The following AP2A2 variants were observed in gnomAD, a reference collection of about 807,000 sequenced individuals.
AP2A2 encodes the protein AP-2 complex subunit alpha-2.
A neutral mutation model predicts 104.2 loss-of-function variants in AP2A2; 32 were observed. The ratio of observed to expected loss-of-function variants is 0.31; its 90% confidence interval spans 0.23 to 0.41. The LOEUF (loss-of-function observed/expected upper bound fraction) is 0.41, where lower values mean the gene tolerates loss of function less well. Ranked by LOEUF, AP2A2 falls within the 10% of genes least tolerant of loss-of-function variation. AP2A2 has a pLI of 1.00. For missense variants in AP2A2, 912 were observed against 1,261.0 expected, an observed-to-expected ratio of 0.72 and a Z score of 4.19; for synonymous variants, 539 against 533.3, an observed-to-expected ratio of 1.01 and a Z score of -0.15.
intron 6 of AP2A2, among the ~76,000 whole-genome samples, chr11:983,576 G>A (rs974271596): frequency 4.0e-5 from 6 of 151,716 alleles, no homozygotes; most frequent in African/African-American, 9.7e-5. Flanking sequence ...GTAGAGATGG[G>A]GTTTCACTGT....
intron 1 of AP2A2, among the ~76,000 whole-genome samples, chr11:953,631 CCG>C (rs1854127766): frequency 6.7e-6 from 1 of 148,748 alleles, no homozygotes; most frequent in Non-Finnish European, 1.5e-5. Context: ...CCGTCTGCCT[CCG>C]TCTGCCTCCG....
intron 4 of AP2A2, among the ~76,000 whole-genome samples, chr11:975,674 A>C (rs1306083143): frequency 2.8e-5 from 4 of 145,306 alleles, no homozygotes; most frequent in African/African-American, 2.6e-5. Flanking sequence ...CCGACCTCGG[A>C]GAGTAGCGGT....
chr11:940,980 C>A (rs1853626251), intron 1 of AP2A2: 2 of 454,622 alleles, frequency 4.4e-6, no homozygotes, highest in Non-Finnish European at 8.8e-6. Context: ...CTGCGCTGTG[C>A]TGCTCTCACG....
At chr11:940,391 T>C (rs1428309534) in intron 1 of AP2A2, among the ~76,000 whole-genome samples, 2 of 152,228 alleles carry the variant, frequency 1.3e-5, no homozygotes, top group Admixed American at 1.3e-4. Context: ...TTCATTTCAC[T>C]TTCTCTTTTC....
At chr11:929,743 C>G (rs1289558827) in intron 1 of AP2A2, among the ~76,000 whole-genome samples, 6 of 152,004 alleles carry the variant, frequency 3.9e-5, no homozygotes, top group Admixed American at 3.3e-4. Context: ...CTGCCATGAA[C>G]TCGGATTGCG....
intron 19 of AP2A2, 23 bp downstream of exon 19, chr11:1,009,239 G>T (rs1296832439): frequency 1.9e-6 from 3 of 1,610,914 alleles, no homozygotes; most frequent in Non-Finnish European, 2.5e-6. Context: ...TTTCCTGTAG[G>T]GGTCAGGGGT....
intron 1 of AP2A2, among the ~76,000 whole-genome samples, chr11:947,273 A>G (rs989277504): frequency 2.0e-5 from 3 of 152,116 alleles, no homozygotes; most frequent in Non-Finnish European, 2.9e-5. Flanking sequence ...GGCTTCCCAA[A>G]GAGCTGAGAT....
chr11:970,387 G>C lies in AP2A2; in HGVS notation c.279+76G>C, dbSNP rs1035675620. ...GACTGAGGCCCGGTGCCCGTGTAGG[G>C]CCGCTGCTTCCTTCTCTGCCCACAG... is the stretch of plus-strand genomic sequence containing the variant. On this transcript the variant is annotated intron_variant, in intron 3 of 21. Coordinates refer to ENST00000448903, the MANE Select transcript of AP2A2 (RefSeq NM_012305.4). 2.6e-6 allele frequency: 4 copies of C among 1,552,566 alleles called. No homozygotes were observed. In the African/African-American group the frequency reaches 5.5e-5, roughly 21 times the overall value.
At chr11:942,919 C>T (rs1004339782) in intron 1 of AP2A2, among the ~76,000 whole-genome samples, 1 of 152,110 alleles carries the variant, frequency 6.6e-6, no homozygotes, top group Non-Finnish European at 1.5e-5. Context: ...AGTTGTGTTT[C>T]AGGACCTGAG....
rs1467953206 is a variant in AP2A2 at position 999,835 on chromosome 11, G to T, written c.1957-597G>T. Among the ~76,000 whole-genome samples, 3 of 134,980 alleles carry T rather than the reference G, an allele frequency of 2.2e-5. No individual in the cohort carries two copies. The Admixed American group carries it at 2.5e-4, about 11-fold the overall frequency. 88.6% of individuals were successfully genotyped at this position (134,980 alleles called of 152,430 possible). On this transcript the variant is annotated intron_variant, in intron 14 of 21. Transcript: ENST00000448903. Reference sequence around the variant, plus strand: ...TTTTTTTTTTTTGAGATGGAGTCTCGCTCTGTCGCCCAGGCTGGAGTGCCG... The same window carrying T: ...TTTTTTTTTTTTGAGATGGAGTCTCTCTCTGTCGCCCAGGCTGGAGTGCCG...
chr11:992,589 T>C lies in AP2A2; in HGVS notation c.1356T>C (p.Ala452=). ...CCATCTTGAACTTGATCCGAATTGCTGGTGATTACGTGAGTGAAGAGGTGT... is the reference window on the plus strand; with the variant it reads ...CCATCTTGAACTTGATCCGAATTGCCGGTGATTACGTGAGTGAAGAGGTGT... ...VDTILNLIRI[A]GDYVSEEVWY... The change falls in exon 11 of 22, where the codon GCT becomes GCC. Residue 452 remains alanine (A), a synonymous_variant. Coordinates refer to ENST00000448903, the MANE Select transcript of AP2A2 (RefSeq NM_012305.4). This position sits in a 1 kb window ranked among gnomAD's most constrained non-coding sequence, Gnocchi z 6.4. 7 of 1,613,976 alleles carry C rather than the reference T, an allele frequency of 4.3e-6. No homozygotes were observed. Among genetic ancestry groups the C allele is most frequent in the Non-Finnish European group, 5.9e-6 (7 of 1,179,888 alleles).
At chr11:970,371 C>A in intron 3 of AP2A2, 60 bp downstream of exon 3, 1 of 1,586,364 alleles carries the variant, frequency 6.3e-7, no homozygotes, top group Non-Finnish European at 8.6e-7. Context: ...GGACTGAGGC[C>A]CGGTGCCCGT....
intron 14 of AP2A2, among the ~76,000 whole-genome samples, chr11:999,657 G>A (rs561050273): frequency 3.3e-5 from 5 of 152,072 alleles, no homozygotes; most frequent in South Asian, 2.1e-4. Flanking sequence ...AAAAGTATCC[G>A]TTCTGTAGAC....
intron 1 of AP2A2, among the ~76,000 whole-genome samples, chr11:947,939 A>C (rs1267288282): frequency 6.6e-6 from 1 of 152,160 alleles, no homozygotes; most frequent in Non-Finnish European, 1.5e-5. Flanking sequence ...CTGGGTGACA[A>C]AGCAAGACAT....
Position 970,147 on chromosome 11 carries a change from C to T in AP2A2, c.137-22C>T, listed in dbSNP as rs201101595. The T allele has an allele frequency of 1.7e-4, 276 of 1,612,898 alleles. 2 individuals are homozygous for T. The highest frequency in any genetic ancestry group is 1.3e-3 in the Middle Eastern group (8 of 6,080). On this transcript the variant is annotated intron_variant, in intron 2 of 21. Coordinates refer to ENST00000448903, the MANE Select transcript of AP2A2 (RefSeq NM_012305.4). ...TGCCTCTGCCCGCCTGGAATAAAAC[C>T]TCTTCCCCACCTTTTCTGTAGGTGA...
chr11:966,238 A>G (rs1038375231), intron 2 of AP2A2, among the ~76,000 whole-genome samples: 2 of 152,198 alleles, frequency 1.3e-5, no homozygotes, highest in Non-Finnish European at 2.9e-5. Flanking sequence ...CGTGCCTATA[A>G]TCCTAGCACT....
rs770406083 is a variant in AP2A2, at chr11:986,965, G to A, written c.1131+12G>A. On this transcript the variant is annotated intron_variant, in intron 9 of 21. Transcript: ENST00000448903. The stretch of plus-strand genomic sequence containing the variant: ...TCAACGCCCTGAAGGCGAGTGCCCT[G>A]TCCTTGGGTTCTGCTCACTCCCTGA... The A allele has an allele frequency of 6.4e-7, 1 of 1,565,474 alleles. No homozygotes were observed. The highest frequency in any genetic ancestry group is 8.7e-7 in the Non-Finnish European group (1 of 1,155,198).
intron 1 of AP2A2, among the ~76,000 whole-genome samples, chr11:957,606 G>A (rs570610463): frequency 1.3e-5 from 2 of 152,328 alleles, no homozygotes; most frequent in East Asian, 3.9e-4. Flanking sequence ...CAAGAGCTGT[G>A]AGAGTTTTGA....
intron 2 of AP2A2, among the ~76,000 whole-genome samples, chr11:960,787 G>C (rs1415818766): frequency 6.6e-6 from 1 of 152,128 alleles, no homozygotes; most frequent in Non-Finnish European, 1.5e-5. Context: ...CAACATGCTG[G>C]GATTACAGGC....
Sources: allele counts gnomAD v4.1 joint callset (sites outside exome capture counted in the v4.1 genomes callset), GRCh38; gene constraint gnomAD v4.1.1; non-coding constraint Gnocchi (gnomAD v3.1); transcripts MANE v1.5; gene names NCBI Gene and HGNC (gene_info 2026-07-23, HGNC 2026-07-21).